NEK7: variants seen among roughly 807,000 people sequenced by gnomAD.
NEK7 encodes the protein NIMA related kinase 7.
Under a neutral mutation model 44.6 loss-of-function variants are expected in NEK7, and 18 were observed. The observed-to-expected ratio is 0.40, with a 90% CI of 0.28 to 0.60. NEK7 has a LOEUF of 0.60. Ranked by LOEUF, NEK7 falls within the 20% of genes least tolerant of loss-of-function variation. The pLI, the probability that NEK7 is intolerant of heterozygous loss-of-function variation, is 0.38. For synonymous variants in NEK7, 130 were observed against 121.1 expected, an observed-to-expected ratio of 1.07 and a Z score of -0.48; for missense variants, 256 against 366.5, an observed-to-expected ratio of 0.70 and a Z score of 2.46.
intron 2 of NEK7, among the ~76,000 whole-genome samples, chr1:198,240,341 A>G (rs1666649030): frequency 6.6e-6 from 1 of 152,188 alleles, no homozygotes; most frequent in African/African-American, 2.4e-5. Context: ...ATGAGAACAC[A>G]GTAAGAATTC....
intron 5 of NEK7, among the ~76,000 whole-genome samples, chr1:198,274,780 AT>A (rs1241098775): frequency 2.0e-5 from 3 of 151,846 alleles, no homozygotes; most frequent in African/African-American, 7.2e-5. Context: ...ATATAATTGG[AT>A]TTGGTCTTGG....
intron 7 of NEK7, among the ~76,000 whole-genome samples, chr1:198,289,882 A>T (rs535357042): frequency 5.9e-5 from 9 of 152,320 alleles, no homozygotes; most frequent in African/African-American, 2.2e-4. Context: ...TATGGAGTAT[A>T]TACCATATAA....
At chr1:198,283,716 G>T (rs1179411973) in intron 7 of NEK7, among the ~76,000 whole-genome samples, 1 of 151,874 alleles carries the variant, frequency 6.6e-6, no homozygotes, top group South Asian at 2.1e-4. Context: ...TATGATGAGG[G>T]CACAACTTTC....
intron 5 of NEK7, among the ~76,000 whole-genome samples, chr1:198,269,334 G>A (rs10922394): frequency 0.14 from 20,943 of 152,114 alleles, 2,108 homozygotes; most frequent in East Asian, 0.57. Flanking sequence ...GTTTCATAGA[G>A]AGTTGCTGTG....
At chr1:198,210,529 T>C (rs1051811347) in intron 1 of NEK7, among the ~76,000 whole-genome samples, 11 of 152,118 alleles carry the variant, frequency 7.2e-5, no homozygotes, top group Non-Finnish European at 2.9e-5. Context: ...TACCTTCTTA[T>C]ATGTAATCCC....
chr1:198,173,550 T>C (rs974224542), intron 1 of NEK7, among the ~76,000 whole-genome samples: 4 of 151,022 alleles, frequency 2.6e-5, no homozygotes, highest in Non-Finnish European at 4.4e-5. Context: ...ATGTGAGGTA[T>C]TTTTCTTGTC....
intron 2 of NEK7, among the ~76,000 whole-genome samples, chr1:198,241,723 G>A (rs1558073327): frequency 1.3e-5 from 2 of 152,138 alleles, no homozygotes; most frequent in African/African-American, 4.8e-5. Context: ...TGATGGTGAG[G>A]GGAAGTTGTT....
At chr1:198,246,825 A>G (rs1666848142) in intron 2 of NEK7, among the ~76,000 whole-genome samples, 2 of 152,344 alleles carry the variant, frequency 1.3e-5, no homozygotes, top group Admixed American at 1.3e-4. Context: ...ATGAAGCTGT[A>G]TTTTGCTGTT....
chr1:198,197,219 T>C (rs1363973066), intron 1 of NEK7, among the ~76,000 whole-genome samples: 1 of 152,222 alleles, frequency 6.6e-6, no homozygotes, highest in African/African-American at 2.4e-5. Flanking sequence ...TACTGTATAA[T>C]ATTGCAGTTT....
intron 6 of NEK7, among the ~76,000 whole-genome samples, 171 bp downstream of exon 6, chr1:198,278,240 AAG>A (rs1654080712): frequency 2.0e-4 from 29 of 146,760 alleles, no homozygotes; most frequent in African/African-American, 6.8e-4. Context: ...GGTTTTAAAT[AAG>A]AATGTAAATT....
chr1:198,303,345 G>C (rs897260520), intron 9 of NEK7, among the ~76,000 whole-genome samples: 2 of 151,804 alleles, frequency 1.3e-5, no homozygotes, highest in South Asian at 2.1e-4. Context: ...AAATATAACT[G>C]GGTTTCAAAC....
chr1:198,231,297 G>T lies in NEK7; in HGVS notation c.-28-1256G>T, dbSNP rs1049918960. 5.5e-5 allele frequency among the ~76,000 whole-genome samples: 5 copies of T among 90,188 alleles called. No homozygotes were observed. In the South Asian group the frequency reaches 1.7e-3, roughly 31 times the overall value. The allele number at this position is 90,188 out of a possible 152,430, so 59.2% of individuals were successfully genotyped here. On this transcript the variant is annotated intron_variant, in intron 1 of 9. Transcript: ENST00000367385. The stretch of plus-strand genomic sequence containing the variant: ...TGTGTGTGTATATACGTGTATGTGT[G>T]TGTGTATATATATATATATATATAT...
intron 4 of NEK7, 133 bp from the exon 5 acceptor site, chr1:198,263,987 TAAAGA>T (rs1295773190): frequency 1.7e-5 from 13 of 752,184 alleles, no homozygotes; most frequent in Admixed American, 1.7e-4. Flanking sequence ...CACAATTCAC[TAAAGA>T]AAAGTATACT....
chr1:198,266,874 C>T (rs568988941), intron 5 of NEK7, among the ~76,000 whole-genome samples: 1 of 152,194 alleles, frequency 6.6e-6, no homozygotes, highest in East Asian at 1.9e-4. Flanking sequence ...CTTCTTCTAG[C>T]CCCCTTGCAT....
chr1:198,209,071 ACG>A lies in NEK7; in HGVS notation c.-28-23480_-28-23479del, dbSNP rs1491332561. Among the ~76,000 whole-genome samples the A allele has an allele frequency of 1.7e-3, 171 of 98,074 alleles. 1 individual carries two copies. The highest frequency in any genetic ancestry group is 0.013 in the South Asian group (45 of 3,514). 64.3% of individuals were successfully genotyped at this position (98,074 alleles called of 152,430 possible). The stretch of plus-strand genomic sequence containing the variant: ...TATATATATATATACACACACACAT[ACG>A]CACATATGTATATATACACACATAT... On this transcript the variant is annotated intron_variant, in intron 1 of 9. Coordinates refer to ENST00000367385, the MANE Select transcript of NEK7 (RefSeq NM_133494.3).
intron 7 of NEK7, among the ~76,000 whole-genome samples, chr1:198,287,325 C>CA (rs1259781735): frequency 6.6e-6 from 1 of 151,670 alleles, no homozygotes; most frequent in African/African-American, 2.4e-5. Context: ...ACTAAAAATA[C>CA]AAAAAAATAG....
At chr1:198,257,945 C>T (rs897132061) in intron 3 of NEK7, among the ~76,000 whole-genome samples, 17 of 151,978 alleles carry the variant, frequency 1.1e-4, no homozygotes, top group African/African-American at 3.9e-4. Context: ...GGAAAATAGA[C>T]AATAAATCAA....
At chr1:198,238,145 T>C (rs1666586597) in intron 2 of NEK7, among the ~76,000 whole-genome samples, 1 of 152,186 alleles carries the variant, frequency 6.6e-6, no homozygotes, top group Non-Finnish European at 1.5e-5. Context: ...CCCTTTCTTA[T>C]TGAAGTTTTA....
chr1:198,284,960 T>C (rs1259912829), intron 7 of NEK7, among the ~76,000 whole-genome samples: 2 of 152,174 alleles, frequency 1.3e-5, no homozygotes, highest in East Asian at 3.9e-4. Flanking sequence ...TTTTCTCCTC[T>C]GTTCCTCAGT....
Sources: allele counts gnomAD v4.1 joint callset (sites outside exome capture counted in the v4.1 genomes callset), GRCh38; gene constraint gnomAD v4.1.1; transcripts MANE v1.5; gene names NCBI Gene and HGNC (gene_info 2026-07-23, HGNC 2026-07-21).